The following SMC6 variants were observed in gnomAD, a reference collection of about 807,000 sequenced individuals.
SMC6 encodes structural maintenance of chromosomes 6.
In SMC6, 79 loss-of-function variants were observed where a neutral mutation model predicts 142.2. The observed-to-expected ratio is 0.56, with a 90% CI of 0.46 to 0.67. SMC6 has a LOEUF of 0.67. Ranked by LOEUF, SMC6 falls within the 30% of genes least tolerant of loss-of-function variation. The probability of loss-of-function intolerance (pLI) is 0.00; values close to 1 mark genes in which losing one functional copy is unlikely to be tolerated. For synonymous variants in SMC6, 411 were observed against 412.4 expected, an observed-to-expected ratio of 1.00 and a Z score of 0.04; for missense variants, 1,072 against 1,284.0, an observed-to-expected ratio of 0.83 and a Z score of 2.52.
chr2:17,735,355 C>T (rs1670101164), intron 5 of SMC6, among the ~76,000 whole-genome samples: 1 of 152,162 alleles, frequency 6.6e-6, no homozygotes, highest in South Asian at 2.1e-4. Flanking sequence ...AATCTATCTA[C>T]ACGGAAGTAA....
At chr2:17,716,571 C>T (rs113374925) in intron 14 of SMC6, among the ~76,000 whole-genome samples, 170 bp downstream of exon 14, 25 of 152,214 alleles carry the variant, frequency 1.6e-4, no homozygotes, top group African/African-American at 6.0e-4. Flanking sequence ...AGGTGCACTG[C>T]CAATGAGTTA....
chr2:17,742,359 T>C (rs575870275), intron 3 of SMC6, among the ~76,000 whole-genome samples: 1 of 152,356 alleles, frequency 6.6e-6, no homozygotes, highest in South Asian at 2.1e-4. Context: ...TGTCACTTAT[T>C]ATGGCAACTG....
intron 18 of SMC6, among the ~76,000 whole-genome samples, chr2:17,703,723 T>C (rs1001862793): frequency 6.6e-6 from 1 of 152,146 alleles, no homozygotes; most frequent in Non-Finnish European, 1.5e-5. Flanking sequence ...CTCTTCCTTA[T>C]GATTTTAACA....
intron 25 of SMC6, among the ~76,000 whole-genome samples, chr2:17,676,687 A>G (rs536509301): frequency 2.0e-5 from 3 of 152,188 alleles, no homozygotes; most frequent in East Asian, 1.9e-4. Context: ...ACAACACCCT[A>G]TATCTCTCCA....
At chr2:17,738,188 A>G (rs375570542) in intron 5 of SMC6, 33 bp downstream of exon 5, 6 of 1,498,372 alleles carry the variant, frequency 4.0e-6, no homozygotes, top group Non-Finnish European at 5.6e-6. Context: ...TTACTAAAGA[A>G]TTGAAAATAG....
intron 24 of SMC6, chr2:17,682,045 C>A (rs565536007): frequency 2.6e-5 from 4 of 152,238 alleles, no homozygotes; most frequent in African/African-American, 9.6e-5. Context: ...AATCTTACTG[C>A]ATCTGGAACA....
chr2:17,673,685 T>C (rs1416639683), intron 25 of SMC6, among the ~76,000 whole-genome samples: 1 of 151,980 alleles, frequency 6.6e-6, no homozygotes, highest in African/African-American at 2.4e-5. Context: ...TTCTCCTGCC[T>C]CAGCCTCCCG....
intron 2 of SMC6, among the ~76,000 whole-genome samples, chr2:17,750,792 G>C (rs1670987667): frequency 6.6e-6 from 1 of 152,072 alleles, no homozygotes; most frequent in South Asian, 2.1e-4. Flanking sequence ...CCTGAGGTCA[G>C]GAGTTCGAGA....
chr2:17,684,136 A>T (rs1473200376), intron 23 of SMC6, among the ~76,000 whole-genome samples: 3 of 152,180 alleles, frequency 2.0e-5, no homozygotes, highest in Admixed American at 2.0e-4. Flanking sequence ...AGATGCCAAT[A>T]AAAGAAAAAA....
chr2:17,753,606 A>AGCG lies in SMC6; in HGVS notation c.-93+17_-93+19dup, dbSNP rs1254480728. Reference sequence around the variant, plus strand: ...GAACCCCGGAGCAAGGGAAAGCGACAGCGCGCGCCTTCACCCTACCGCCAA... The same window carrying AGCG: ...GAACCCCGGAGCAAGGGAAAGCGACAGCGGCGCGCGCCTTCACCCTACCGCCAA... On this transcript the variant is annotated intron_variant, in intron 1 of 27. Coordinates refer to ENST00000448223, the MANE Select transcript of SMC6 (RefSeq NM_001142286.2). 8 of 152,230 alleles carry AGCG rather than the reference A, an allele frequency of 5.3e-5. No homozygotes were observed. Among genetic ancestry groups the AGCG allele is most frequent in the Non-Finnish European group, 1.0e-4 (7 of 68,072 alleles). The allele number at this position is 152,230 out of a possible 1,614,324, so 9.4% of individuals were successfully genotyped here.
chr2:17,749,737 G>T (rs1281196154), intron 2 of SMC6, among the ~76,000 whole-genome samples: 1 of 152,050 alleles, frequency 6.6e-6, no homozygotes, highest in Admixed American at 6.5e-5. Context: ...GCATGTAGAT[G>T]CATAGGAAAT....
chr2:17,696,433 G>T lies in SMC6; in HGVS notation c.2395-7C>A. 6.3e-7 allele frequency: 1 copy of T among 1,595,524 alleles called. No homozygotes were observed. The highest frequency in any genetic ancestry group is 1.2e-5 in the South Asian group (1 of 86,652). ...CAGCAAGGTTTAATTCATCCTGTTT[G>T]AACAAAGCCAGAATAAAAGATTGTT... On this transcript the variant is annotated splice_region_variant and splice_polypyrimidine_tract_variant and intron_variant, in intron 21 of 27. Coordinates refer to ENST00000448223, the MANE Select transcript of SMC6 (RefSeq NM_001142286.2).
At chr2:17,727,692 C>A (rs1007400723) in intron 7 of SMC6, among the ~76,000 whole-genome samples, 3 of 152,090 alleles carry the variant, frequency 2.0e-5, no homozygotes, top group Non-Finnish European at 4.4e-5. Flanking sequence ...ACTAACAAAT[C>A]AGTTTACATG....
chr2:17,679,150 C>A, intron 24 of SMC6, 186 bp from the exon 25 acceptor site: 1 of 463,396 alleles, frequency 2.2e-6, no homozygotes, highest in Non-Finnish European at 3.8e-6. Flanking sequence ...CATTTATGTC[C>A]CTACACTTTC....
intron 2 of SMC6, among the ~76,000 whole-genome samples, chr2:17,748,546 T>C (rs533002310): frequency 6.6e-6 from 1 of 152,348 alleles, no homozygotes; most frequent in East Asian, 1.9e-4. Context: ...GAAACTGTTA[T>C]TAAAATCAAA....
chr2:17,713,661 T>C (rs1572313350), intron 16 of SMC6: 1 of 343,576 alleles, frequency 2.9e-6, no homozygotes, highest in East Asian at 9.4e-5. Context: ...ACCAGAAACC[T>C]AGGAGTCATC....
chr2:17,731,669 C>G, intron 6 of SMC6, 72 bp downstream of exon 6: 1 of 1,433,738 alleles, frequency 7.0e-7, no homozygotes, highest in South Asian at 1.3e-5. Flanking sequence ...TCAATCAATA[C>G]CAGCAGTCAT....
intron 5 of SMC6, among the ~76,000 whole-genome samples, chr2:17,736,498 A>G (rs1288374989): frequency 6.6e-6 from 1 of 152,168 alleles, no homozygotes; most frequent in African/African-American, 2.4e-5. Context: ...TTCTTCTTAA[A>G]GACTGTATCT....
intron 12 of SMC6, among the ~76,000 whole-genome samples, 200 bp downstream of exon 12, chr2:17,717,877 C>G (rs761623298): frequency 3.3e-5 from 5 of 150,976 alleles, no homozygotes; most frequent in Admixed American, 6.6e-5. Flanking sequence ...CCCAGCTACT[C>G]AGGTGGCCGA....
Sources: allele counts gnomAD v4.1 joint callset (sites outside exome capture counted in the v4.1 genomes callset), GRCh38; gene constraint gnomAD v4.1.1; transcripts MANE v1.5; gene names NCBI Gene and HGNC (gene_info 2026-07-23, HGNC 2026-07-21).